The following GRID1 variants were observed in gnomAD, a reference collection of about 807,000 sequenced individuals.
GRID1 encodes the protein glutamate receptor ionotropic, delta-1.
A neutral mutation model predicts 98.0 loss-of-function variants in GRID1; 28 were observed. The observed-to-expected ratio is 0.29, with a 90% CI of 0.21 to 0.39. The LOEUF (loss-of-function observed/expected upper bound fraction) is 0.39, where lower values mean the gene tolerates loss of function less well. Ranked by LOEUF, GRID1 falls within the 10% of genes least tolerant of loss-of-function variation. GRID1 has a pLI of 1.00. For synonymous variants in GRID1, 553 were observed against 538.5 expected, an observed-to-expected ratio of 1.03 and a Z score of -0.37; for missense variants, 1,111 against 1,340.5, an observed-to-expected ratio of 0.83 and a Z score of 2.67.
At chr10:85,628,324 G>A (rs1295732380) in intron 13 of GRID1, among the ~76,000 whole-genome samples, 2 of 151,688 alleles carry the variant, frequency 1.3e-5, no homozygotes, top group African/African-American at 4.8e-5. Context: ...TAAGTGTGAG[G>A]GAATGTGTGT....
chr10:85,838,113 A>C (rs957484917), intron 8 of GRID1, among the ~76,000 whole-genome samples: 2 of 152,242 alleles, frequency 1.3e-5, no homozygotes, highest in African/African-American at 4.8e-5. Context: ...AAACAGAGAA[A>C]AATGAATAAA....
intron 12 of GRID1, among the ~76,000 whole-genome samples, chr10:85,674,829 T>C (rs867692013): frequency 6.6e-6 from 1 of 152,148 alleles, no homozygotes; most frequent in Middle Eastern, 3.4e-3. Flanking sequence ...TTAATGCAAA[T>C]TATAACCAAA....
intron 4 of GRID1, among the ~76,000 whole-genome samples, chr10:86,104,549 A>T (rs1844351862): frequency 6.6e-6 from 1 of 152,224 alleles, no homozygotes; most frequent in Non-Finnish European, 1.5e-5. Context: ...GGCAGCAGAC[A>T]GGCAGCATGA....
chr10:86,233,859 A>G (rs560086330), intron 2 of GRID1, among the ~76,000 whole-genome samples: 1 of 151,376 alleles, frequency 6.6e-6, no homozygotes, highest in East Asian at 2.0e-4. Flanking sequence ...CGGCATGGCC[A>G]AGACTCCCTT....
intron 12 of GRID1, among the ~76,000 whole-genome samples, chr10:85,667,483 C>T (rs541490327): frequency 9.8e-4 from 149 of 152,204 alleles, no homozygotes; most frequent in African/African-American, 3.4e-3. Context: ...TACAGAAAAA[C>T]CCTTTTAGGT....
At chr10:86,134,926 C>A (rs1266360122) in intron 4 of GRID1, among the ~76,000 whole-genome samples, 1 of 152,240 alleles carries the variant, frequency 6.6e-6, no homozygotes, top group Non-Finnish European at 1.5e-5. Context: ...GTCCTCCCCA[C>A]CAAGCTGGGA....
chr10:85,654,901 C>T (rs1433140804), intron 12 of GRID1, among the ~76,000 whole-genome samples: 1 of 152,138 alleles, frequency 6.6e-6, no homozygotes, highest in Non-Finnish European at 1.5e-5. Context: ...TCTGATTTGC[C>T]AAACTCAGCC....
rs554365855 is a variant in GRID1 at position 85,898,462 on chromosome 10, C to T, written c.780+17724G>A. ...ACTTTAACTTATTATAACTTTTTTA[C>T]TTTATAAACTTAACTATTTTAACTT... On this transcript the variant is annotated intron_variant, in intron 5 of 15. Transcript: ENST00000327946. Among the ~76,000 whole-genome samples the T allele has an allele frequency of 2.4e-4, 37 of 152,236 alleles. 1 individual carries two copies. The South Asian group carries it at 7.3e-3, about 30-fold the overall frequency.
intron 3 of GRID1, among the ~76,000 whole-genome samples, chr10:86,168,204 C>G (rs910340608): frequency 6.6e-6 from 1 of 152,182 alleles, no homozygotes; most frequent in Non-Finnish European, 1.5e-5. Context: ...CGTGGACCTT[C>G]GAGTCTAAGG....
At chr10:86,203,885 G>A (rs1053667279) in intron 3 of GRID1, among the ~76,000 whole-genome samples, 9 of 152,172 alleles carry the variant, frequency 5.9e-5, no homozygotes, top group Middle Eastern at 3.4e-3. Flanking sequence ...GCCCACACAC[G>A]GCCTCAGAAT....
At chr10:86,327,221 T>C (rs975390046) in intron 2 of GRID1, among the ~76,000 whole-genome samples, 23 of 152,222 alleles carry the variant, frequency 1.5e-4, no homozygotes, top group African/African-American at 5.5e-4. Context: ...ACATTTATGC[T>C]ATAGTTTACT....
chr10:86,366,496 G>A lies in GRID1; in HGVS notation c.-104C>T, dbSNP rs1182157832. 1.6e-6 allele frequency: 1 copy of A among 644,340 alleles called. No homozygotes were observed. Among genetic ancestry groups the A allele is most frequent in the Non-Finnish European group, 2.2e-6 (1 of 455,220 alleles). 39.9% of individuals were successfully genotyped at this position (644,340 alleles called of 1,614,324 possible). ...GGTGCAGTCCCGGGCCGCTCCCCGG[G>A]AGAGCCGAGCCCGCCCGTGCGTCTT... On this transcript the variant is annotated 5_prime_UTR_variant, in exon 1 of 16. Coordinates refer to ENST00000327946, the MANE Select transcript of GRID1 (RefSeq NM_017551.3). The surrounding 1 kb of genome is among the most constrained non-coding windows in gnomAD (Gnocchi z 4.1).
At chr10:86,182,522 C>G (rs1169845634) in intron 3 of GRID1, among the ~76,000 whole-genome samples, 1 of 152,226 alleles carries the variant, frequency 6.6e-6, no homozygotes, top group East Asian at 1.9e-4. Flanking sequence ...ACACACTAAT[C>G]TGTCCCCACC....
At chr10:86,120,339 T>C (rs1844647404) in intron 4 of GRID1, among the ~76,000 whole-genome samples, 1 of 152,212 alleles carries the variant, frequency 6.6e-6, no homozygotes, top group South Asian at 2.1e-4. Context: ...GCTCAGATGG[T>C]GCTTCCTACA....
intron 2 of GRID1, among the ~76,000 whole-genome samples, chr10:86,354,020 A>G (rs1848499665): frequency 6.6e-6 from 1 of 152,056 alleles, no homozygotes; most frequent in East Asian, 1.9e-4. Context: ...GAGTGGGGCC[A>G]CTCCATGGCT....
chr10:86,109,966 C>T (rs1327529261), intron 4 of GRID1, among the ~76,000 whole-genome samples: 2 of 129,856 alleles, frequency 1.5e-5, no homozygotes, highest in Non-Finnish European at 3.1e-5. Flanking sequence ...TTAAACTCTG[C>T]CATTCTTTTT....
intron 8 of GRID1, among the ~76,000 whole-genome samples, chr10:85,807,816 T>C (rs531219720): frequency 1.3e-5 from 2 of 152,262 alleles, no homozygotes; most frequent in Admixed American, 1.3e-4. Context: ...CAAATAGATA[T>C]TATAAGTTGA....
chr10:86,252,038 A>C (rs1846844118), intron 2 of GRID1, among the ~76,000 whole-genome samples: 1 of 152,210 alleles, frequency 6.6e-6, no homozygotes, highest in Non-Finnish European at 1.5e-5. Context: ...TCCCCGTTCC[A>C]TACATGAGGA....
At chr10:85,670,839 C>T (rs1841077219) in intron 12 of GRID1, among the ~76,000 whole-genome samples, 1 of 152,174 alleles carries the variant, frequency 6.6e-6, no homozygotes, top group African/African-American at 2.4e-5. Flanking sequence ...ATTCTCTTCC[C>T]TCTGCTTTGC....
Sources: gnomAD v4.1 joint callset for allele counts (sites outside exome capture counted in the v4.1 genomes callset) on GRCh38, gnomAD v4.1.1 for gene constraint, Gnocchi (gnomAD v3.1) non-coding constraint, MANE v1.5 for transcripts, NCBI Gene and HGNC (gene_info 2026-07-23, HGNC 2026-07-21) for gene names.